Variants in ZC3H18 observed in about 807,000 individuals in gnomAD.
ZC3H18 encodes the protein zinc finger CCCH domain-containing protein 18.
Under a neutral mutation model 106.1 loss-of-function variants are expected in ZC3H18, and 8 were observed. The observed-to-expected ratio is 0.08, with a 90% CI of 0.04 to 0.14. The LOEUF (loss-of-function observed/expected upper bound fraction) is 0.14, where lower values mean the gene tolerates loss of function less well. ZC3H18 is among the 10% of genes least tolerant of loss of function. The pLI, the probability that ZC3H18 is intolerant of heterozygous loss-of-function variation, is 1.00. For missense variants in ZC3H18, 1,318 were observed against 1,278.4 expected (o/e 1.03, Z -0.47); for synonymous variants, 635 against 522.1 (o/e 1.22, Z -2.95).
intron 3 of ZC3H18, among the ~76,000 whole-genome samples, chr16:88,591,969 T>C (rs561433876): frequency 1.3e-5 from 2 of 152,360 alleles, no homozygotes; most frequent in Admixed American, 6.5e-5. Flanking sequence ...GTTTCATCTT[T>C]TGAGGAACCG....
intron 12 of ZC3H18, 53 bp downstream of exon 12, chr16:88,624,798 T>G: frequency 6.5e-7 from 1 of 1,547,776 alleles, no homozygotes. Context: ...TTGGTGCCAC[T>G]GTGATGCTGG....
intron 16 of ZC3H18, among the ~76,000 whole-genome samples, chr16:88,629,443 T>C (rs1906522872): frequency 6.6e-6 from 1 of 152,262 alleles, no homozygotes; most frequent in Admixed American, 6.5e-5. Context: ...ACCATTGCAC[T>C]GCAGCTTGGG....
At chr16:88,609,248 G>C (rs1009504618) in intron 7 of ZC3H18, 197 bp downstream of exon 7, 4 of 376,052 alleles carry the variant, frequency 1.1e-5, no homozygotes, top group Non-Finnish European at 9.7e-6. Context: ...TTTGAACAAA[G>C]ACTTGCCTGA....
chr16:88,577,084 G>A (rs1914798171), intron 1 of ZC3H18, 26 bp from the exon 2 acceptor site: 10 of 1,501,812 alleles, frequency 6.7e-6, no homozygotes, highest in Non-Finnish European at 8.9e-6. Flanking sequence ...GCTAAAGGCT[G>A]TCAATCTGTA....
intron 16 of ZC3H18, chr16:88,630,273 C>T: frequency 3.9e-6 from 2 of 508,854 alleles, no homozygotes; most frequent in South Asian, 5.9e-5. Flanking sequence ...ACCTGGGGCC[C>T]AGGTTTGGCC....
At chr16:88,624,528 C>T (rs560147067) in intron 11 of ZC3H18, 74 bp from the exon 12 acceptor site, 2 of 1,607,510 alleles carry the variant, frequency 1.2e-6, no homozygotes, top group East Asian at 2.2e-5. Context: ...AGCTGTGGGT[C>T]CATTGAAAGG....
At chr16:88,596,955 C>A (rs1312282822) in intron 3 of ZC3H18, among the ~76,000 whole-genome samples, 1 of 152,210 alleles carries the variant, frequency 6.6e-6, no homozygotes, top group South Asian at 2.1e-4. Context: ...GAGACTCGCT[C>A]TGTTGCCCAG....
chr16:88,578,923 G>C (rs1427228493), intron 2 of ZC3H18, among the ~76,000 whole-genome samples: 2 of 152,196 alleles, frequency 1.3e-5, no homozygotes, highest in East Asian at 3.9e-4. Flanking sequence ...CCTGACCTCA[G>C]GTGATCCGGC....
At chr16:88,611,585 C>G in intron 8 of ZC3H18, 49 bp downstream of exon 8, 1 of 1,530,330 alleles carries the variant, frequency 6.5e-7, no homozygotes, top group Non-Finnish European at 8.8e-7. Context: ...GTCCGGCATG[C>G]AGCTCTGTAC....
rs114097895 is a variant in ZC3H18 at position 88,623,605 on chromosome 16, A to G, written c.1793+261A>G. The G allele has an allele frequency of 1.5e-3, 864 of 581,174 alleles. 7 individuals are homozygous for G. In the African/African-American group the frequency reaches 0.015, roughly 10 times the overall value. 36.0% of individuals were successfully genotyped at this position (581,174 alleles called of 1,614,324 possible). On this transcript the variant is annotated intron_variant, in intron 10 of 17. Coordinates refer to ENST00000301011, the MANE Select transcript of ZC3H18 (RefSeq NM_144604.4). ...GAGTTGAGGCACTCCAGTCCTCCGC[A>G]GACAGGCCGAGGAAGGGGCCAGACC...
chr16:88,614,663 C>G (rs1026951157), intron 8 of ZC3H18, among the ~76,000 whole-genome samples: 5 of 152,220 alleles, frequency 3.3e-5, no homozygotes, highest in African/African-American at 9.7e-5. Context: ...GTTTTTAATC[C>G]TTTTATGTTA....
intron 3 of ZC3H18, among the ~76,000 whole-genome samples, chr16:88,596,990 G>T (rs1016484028): frequency 6.6e-6 from 1 of 152,212 alleles, no homozygotes; most frequent in East Asian, 1.9e-4. Flanking sequence ...GCACGATCTC[G>T]GCTCACTGCA....
intron 8 of ZC3H18, among the ~76,000 whole-genome samples, chr16:88,620,387 G>C (rs374273020): frequency 6.6e-6 from 1 of 152,070 alleles, no homozygotes; most frequent in African/African-American, 2.4e-5. Flanking sequence ...CCAGAAATTC[G>C]AGACCAGCCT....
At chr16:88,578,607 G>T (rs968276003) in intron 2 of ZC3H18, among the ~76,000 whole-genome samples, 1 of 151,994 alleles carries the variant, frequency 6.6e-6, no homozygotes, top group Non-Finnish European at 1.5e-5. Flanking sequence ...AGTGTCTGCC[G>T]AGAGTATCTC....
intron 6 of ZC3H18, among the ~76,000 whole-genome samples, 198 bp downstream of exon 6, chr16:88,600,146 G>A (rs533369868): frequency 1.2e-4 from 18 of 152,308 alleles, no homozygotes; most frequent in African/African-American, 4.3e-4. Context: ...GGAAGGAAGC[G>A]TTAGGGCTCT....
Position 88,624,750 on chromosome 16 carries a change from G to GCACT in ZC3H18, c.2042+7_2042+10dup. On this transcript the variant is annotated splice_donor_region_variant and intron_variant, in intron 12 of 17. Coordinates refer to ENST00000301011, the MANE Select transcript of ZC3H18 (RefSeq NM_144604.4). ...AGCCAGGACCCCCCCCAGGAGGTGA[G>GCACT]CACTCCGGCGTCCGGGGCCCTCAGG... 4 of 1,609,346 alleles carry GCACT rather than the reference G, an allele frequency of 2.5e-6. No homozygotes were observed. The highest frequency in any genetic ancestry group is 3.4e-6 in the Non-Finnish European group (4 of 1,178,296).
At chr16:88,604,730 A>T (rs963239007) in intron 6 of ZC3H18, among the ~76,000 whole-genome samples, 2 of 152,134 alleles carry the variant, frequency 1.3e-5, no homozygotes, top group African/African-American at 4.8e-5. Context: ...GCTCCTGGGG[A>T]TGCTGTGCCC....
rs923488576 is a variant in ZC3H18, at chr16:88,627,516, C to G, written c.2109-106C>G. 4 of 1,447,938 alleles carry G rather than the reference C, an allele frequency of 2.8e-6. No individual in the cohort carries two copies. The highest frequency in any genetic ancestry group is 2.8e-6 in the Non-Finnish European group (3 of 1,073,152). 89.7% of individuals were successfully genotyped at this position (1,447,938 alleles called of 1,614,324 possible). ...CCCAAAATCACACATTCCGTGGGTA[C>G]ATGATCCATAAATGGACACTGCGTA... is the stretch of plus-strand genomic sequence containing the variant. On this transcript the variant is annotated intron_variant, in intron 13 of 17. Coordinates refer to ENST00000301011, the MANE Select transcript of ZC3H18 (RefSeq NM_144604.4). The surrounding 1 kb of genome is among the most constrained non-coding windows in gnomAD (Gnocchi z 4.5).
chr16:88,591,604 T>G (rs1915756173), intron 3 of ZC3H18, among the ~76,000 whole-genome samples: 1 of 152,052 alleles, frequency 6.6e-6, no homozygotes, highest in Admixed American at 6.5e-5. Flanking sequence ...CCAATATTTG[T>G]TAGTGTGGAG....
Sources: allele counts gnomAD v4.1 joint callset (sites outside exome capture counted in the v4.1 genomes callset), GRCh38; gene constraint gnomAD v4.1.1; non-coding constraint Gnocchi (gnomAD v3.1); transcripts MANE v1.5; gene names NCBI Gene and HGNC (gene_info 2026-07-23, HGNC 2026-07-21).